Variants in ELK3 observed in about 807,000 individuals in gnomAD.
The protein encoded by ELK3 is ETS transcription factor ELK3, also known as ETS domain-containing protein Elk-3.
ELK3 carries 10 observed loss-of-function variants against 28.9 expected under a neutral mutation model. The observed-to-expected ratio is 0.35, with a 90% CI of 0.21 to 0.59. ELK3 has a LOEUF of 0.59. Ranked by LOEUF, ELK3 falls within the 20% of genes least tolerant of loss-of-function variation. The probability of loss-of-function intolerance (pLI) is 0.82; values close to 1 mark genes in which losing one functional copy is unlikely to be tolerated. For synonymous variants in ELK3, 272 were observed against 243.5 expected (o/e 1.12, Z -1.09); for missense variants, 463 against 517.3 (o/e 0.90, Z 1.02).
intron 2 of ELK3, among the ~76,000 whole-genome samples, chr12:96,228,061 TCCAG>T (rs1951716223): frequency 6.6e-6 from 1 of 151,986 alleles, no homozygotes; most frequent in Non-Finnish European, 1.5e-5. Flanking sequence ...GGAGTTCAAG[TCCAG>T]CCTGGGCAAC....
At chr12:96,249,171 G>A (rs1951882668) in intron 3 of ELK3, among the ~76,000 whole-genome samples, 1 of 152,182 alleles carries the variant, frequency 6.6e-6, no homozygotes, top group Non-Finnish European at 1.5e-5. Context: ...AGGTGGTAGA[G>A]GTGGCTTTGG....
intron 2 of ELK3, among the ~76,000 whole-genome samples, chr12:96,226,549 C>T (rs1226503419): frequency 6.6e-6 from 1 of 151,992 alleles, no homozygotes; most frequent in Non-Finnish European, 1.5e-5. Flanking sequence ...CACAGATGTC[C>T]ACATGTGCAC....
At chr12:96,211,003 G>A (rs1336405266) in intron 1 of ELK3, among the ~76,000 whole-genome samples, 2 of 152,220 alleles carry the variant, frequency 1.3e-5, no homozygotes, top group Non-Finnish European at 2.9e-5. Context: ...GGAGCCAGAT[G>A]CCCCTGGATA....
chr12:96,227,316 A>T (rs959814505), intron 2 of ELK3, among the ~76,000 whole-genome samples: 1 of 148,324 alleles, frequency 6.7e-6, no homozygotes, highest in Non-Finnish European at 1.5e-5. Flanking sequence ...TAGCTGCTGA[A>T]CTCGGCAGCT....
At chr12:96,196,938 T>TC (rs1951474078) in intron 1 of ELK3, among the ~76,000 whole-genome samples, 1 of 151,926 alleles carries the variant, frequency 6.6e-6, no homozygotes, top group African/African-American at 2.4e-5. Flanking sequence ...CCGACCGGGG[T>TC]ATGAGTCAGT....
intron 3 of ELK3, among the ~76,000 whole-genome samples, chr12:96,254,048 G>C (rs1441036143): frequency 2.0e-5 from 3 of 152,248 alleles, no homozygotes; most frequent in African/African-American, 4.8e-5. Flanking sequence ...GCTAGAGGCT[G>C]GGCGCAGTGG....
chr12:96,208,812 C>G (rs1419896063), intron 1 of ELK3, among the ~76,000 whole-genome samples: 3 of 152,188 alleles, frequency 2.0e-5, no homozygotes, highest in Admixed American at 2.0e-4. Flanking sequence ...CAAGATAGAA[C>G]CAGGGAGGTA....
chr12:96,267,023 C>T (rs1952037478), intron 4 of ELK3, 59 bp from the exon 5 acceptor site: 12 of 1,461,086 alleles, frequency 8.2e-6, no homozygotes, highest in Non-Finnish European at 1.1e-5. Flanking sequence ...ATGTAAAGAA[C>T]CTAAGTTCTT....
chr12:96,262,576 CTTT>C (rs1952000647), intron 4 of ELK3, among the ~76,000 whole-genome samples: 1 of 152,032 alleles, frequency 6.6e-6, no homozygotes, highest in African/African-American at 2.4e-5. Flanking sequence ...CTTGGGCTCT[CTTT>C]TTGTGGCTGG....
chr12:96,253,893 G>A (rs909265707), intron 3 of ELK3, among the ~76,000 whole-genome samples: 5 of 152,186 alleles, frequency 3.3e-5, no homozygotes, highest in South Asian at 2.1e-4. Flanking sequence ...GATAGAAACC[G>A]TTCCTGTTCT....
intron 3 of ELK3, among the ~76,000 whole-genome samples, chr12:96,253,254 C>T (rs563240393): frequency 6.6e-5 from 10 of 152,252 alleles, no homozygotes; most frequent in South Asian, 6.2e-4. Flanking sequence ...GAGCGAAACT[C>T]GCATCTCACC....
chr12:96,247,398 C>G lies in ELK3; in HGVS notation c.666C>G (p.Ile222Met). 1 of 1,614,140 alleles carries G rather than the reference C, an allele frequency of 6.2e-7. No individual in the cohort carries two copies. Residue 222 changes from isoleucine (I) to methionine (M), a missense_variant, in exon 3 of 5, where the codon ATC becomes ATG. Ile to Met is a conservative substitution (Grantham distance 10, BLOSUM62 1). Around this residue, in one of 2 missense-constraint regions of ELK3, gnomAD observed 408 missense variants for 414.8 expected, o/e 0.98. Transcript: ENST00000228741. This position sits in a 1 kb window ranked among gnomAD's most constrained non-coding sequence, Gnocchi z 5.5. The stretch of plus-strand genomic sequence containing the variant: ...TGGCCTCGTCCGTCTCGGCCAAGAT[C>G]TCCTCTTTAATGTTGCCAAACGCTG... ...AFLASSVSAK[I>M]SSLMLPNAAS...
At chr12:96,206,770 A>C (rs1307225047) in intron 1 of ELK3, among the ~76,000 whole-genome samples, 1 of 152,208 alleles carries the variant, frequency 6.6e-6, no homozygotes, top group Non-Finnish European at 1.5e-5. Context: ...TGTGGGAATT[A>C]AGGGCAGCGA....
chr12:96,247,849 C>T lies in ELK3; in HGVS notation c.1002+115C>T. On this transcript the variant is annotated intron_variant, in intron 3 of 4. Transcript: ENST00000228741. The surrounding 1 kb of genome is among the most constrained non-coding windows in gnomAD (Gnocchi z 5.5). ...TCAAAACGTTGTCCTATGACTCGTA[C>T]CGAGGTCACTGTGTAAATGTGAAGG... The T allele has an allele frequency of 7.9e-7, 1 of 1,262,896 alleles. No homozygotes were observed. Among genetic ancestry groups the T allele is most frequent in the Non-Finnish European group, 1.1e-6 (1 of 943,844 alleles). The allele number at this position is 1,262,896 out of a possible 1,614,324, so 78.2% of individuals were successfully genotyped here. A position where few individuals can be genotyped will look rare whatever the true frequency, so the allele number is the denominator to read the frequency against.
chr12:96,208,268 T>G (rs1400882132), intron 1 of ELK3, among the ~76,000 whole-genome samples: 2 of 152,204 alleles, frequency 1.3e-5, no homozygotes, highest in South Asian at 2.1e-4. Context: ...GCCAGGCTGG[T>G]CTGGAACTCC....
Position 96,247,064 on chromosome 12 carries a change from A to C in ELK3, c.332A>C (p.Asp111Ala), listed in dbSNP as rs1289583576. 3 of 1,613,964 alleles carry C rather than the reference A, an allele frequency of 1.9e-6. No homozygotes were observed. The African/African-American group carries it at 4.0e-5, about 22-fold the overall frequency. Residue 111 changes from aspartate (D) to alanine (A), a missense_variant, in exon 3 of 5, where the codon GAC (aspartate) becomes GCC (alanine). By Grantham distance (126) the Asp-to-Ala change is moderately radical (BLOSUM62 -2). This residue lies in a region of ELK3 where 408 missense variants were observed against 414.8 expected (regional missense o/e 0.98). Coordinates refer to ENST00000228741, the MANE Select transcript of ELK3 (RefSeq NM_005230.4). The surrounding 1 kb of genome is among the most constrained non-coding windows in gnomAD (Gnocchi z 5.5). The part of the protein sequence containing the change: ...SRESLLLQDS[D>A]CKASPEGREA... ...GAGAGCCTTCTGCTGCAGGACAGCG[A>C]CTGCAAGGCGTCTCCGGAGGGCCGC...
intron 2 of ELK3, among the ~76,000 whole-genome samples, chr12:96,235,130 C>T (rs968202397): frequency 5.9e-5 from 9 of 152,038 alleles, no homozygotes; most frequent in Non-Finnish European, 1.0e-4. Flanking sequence ...CAGCTCTCGG[C>T]GGCCTCCAGG....
chr12:96,203,759 G>C (rs775309312), intron 1 of ELK3, among the ~76,000 whole-genome samples: 20 of 152,260 alleles, frequency 1.3e-4, no homozygotes, highest in Admixed American at 2.0e-4. Flanking sequence ...TGGCCAACAT[G>C]GTGAAACCCA....
intron 1 of ELK3, among the ~76,000 whole-genome samples, chr12:96,221,984 G>A (rs75196089): frequency 0.014 from 2,192 of 152,064 alleles, 51 homozygotes; most frequent in African/African-American, 0.051. Context: ...CCTGGGTTGC[G>A]GTCACTCCAG....
Sources: allele counts gnomAD v4.1 joint callset (sites outside exome capture counted in the v4.1 genomes callset), GRCh38; gene constraint gnomAD v4.1.1; regional missense constraint gnomAD v4.1.1; non-coding constraint Gnocchi (gnomAD v3.1); transcripts MANE v1.5; gene names NCBI Gene and HGNC (gene_info 2026-07-23, HGNC 2026-07-21).